LDAF1: variants seen among roughly 807,000 people sequenced by gnomAD.
The protein encoded by LDAF1 is lipid droplet assembly factor 1.
LDAF1 carries 7 observed loss-of-function variants against 13.5 expected under a neutral mutation model. The ratio of observed to expected loss-of-function variants is 0.52; its 90% CI spans 0.29 to 0.97. The LOEUF is 0.97. Among genes scored for constraint, LDAF1 ranks in the 50% least tolerant of loss-of-function variants. The pLI is 0.07. For synonymous variants in LDAF1, 69 were observed against 77.1 expected, an observed-to-expected ratio of 0.89 and a Z score of 0.55; for missense variants, 148 against 193.2, an observed-to-expected ratio of 0.77 and a Z score of 1.39.
chr16:21,173,717 G>GA (rs1206086658), intron 3 of LDAF1, among the ~76,000 whole-genome samples: 55 of 141,506 alleles, frequency 3.9e-4, no homozygotes, highest in East Asian at 1.4e-3. Flanking sequence ...TCTCAAAAAA[G>GA]AAAAAAAAAA....
At chr16:21,167,696 G>GTTTGTTTTTTTTTTTTT (rs1756053559) in intron 2 of LDAF1, among the ~76,000 whole-genome samples, 1 of 89,092 alleles carries the variant, frequency 1.1e-5, no homozygotes, top group Non-Finnish European at 2.0e-5. Flanking sequence ...CCTTAGGTTT[G>GTTTGTTTTTTTTTTTTT]TTTTTTTTTT....
chr16:21,179,487 G>A lies in LDAF1; in HGVS notation c.417G>A (p.Gln139=). The part of the protein sequence containing the change: ...SCWFSPRPLT[Q]QNTSCDFLPA... ...TGTTATCCGACAGGCCACTGACACAGCAAAACACCAGTTGTGACTTTCTGC... is the reference window on the plus strand; with the variant it reads ...TGTTATCCGACAGGCCACTGACACAACAAAACACCAGTTGTGACTTTCTGC... Residue 139 remains glutamine, a synonymous_variant, in exon 5 of 5, where the codon CAG becomes CAA. Coordinates refer to ENST00000233047, the MANE Select transcript of LDAF1 (RefSeq NM_001301771.2). 2 of 1,614,170 alleles carry A rather than the reference G, an allele frequency of 1.2e-6. No homozygotes were observed. Among genetic ancestry groups the A allele is most frequent in the Non-Finnish European group, 1.7e-6 (2 of 1,180,032 alleles).
intron 1 of LDAF1, chr16:21,159,804 C>T: frequency 1.6e-6 from 1 of 628,628 alleles, no homozygotes; most frequent in Non-Finnish European, 2.0e-6. Context: ...CTGGGTGGCA[C>T]TTGAGGCTCC....
intron 2 of LDAF1, among the ~76,000 whole-genome samples, chr16:21,168,247 T>G (rs1033537411): frequency 6.6e-6 from 1 of 151,340 alleles, no homozygotes; most frequent in African/African-American, 2.4e-5. Context: ...ACTCCTGACC[T>G]CAGGTGACCC....
At chr16:21,162,813 T>G (rs2092989512) in intron 2 of LDAF1, among the ~76,000 whole-genome samples, 2 of 152,216 alleles carry the variant, frequency 1.3e-5, no homozygotes. Context: ...TGTTCCACAT[T>G]TACAGCTGAT....
chr16:21,167,696 G>GTTTTTTT (rs778992036), intron 2 of LDAF1, among the ~76,000 whole-genome samples: 2 of 89,092 alleles, frequency 2.2e-5, no homozygotes, highest in Admixed American at 1.7e-4. Context: ...CCTTAGGTTT[G>GTTTTTTT]TTTTTTTTTT....
In LDAF1 at chr16:21,170,462, T is replaced by C. The variant is rs1389107284; in HGVS notation, c.122T>C (p.Val41Ala). ...SKVVAFMKSPVGQYLDSHPFL... is the reference protein window; with the variant it reads ...SKVVAFMKSPAGQYLDSHPFL... ...GTGGTGGCCTTTATGAAGTCTCCAG[T>C]GGGTCAGTACTTGGACAGCCATCCG... is the stretch of plus-strand genomic sequence containing the variant. Residue 41 changes from valine to alanine, a missense_variant, in exon 3 of 5, where the codon GTG (valine) becomes GCG (alanine). Val to Ala is a moderately conservative substitution (Grantham distance 64). Coordinates refer to ENST00000233047, the MANE Select transcript of LDAF1 (RefSeq NM_001301771.2). 6.2e-7 allele frequency: 1 copy of C among 1,614,038 alleles called. No homozygotes were observed. Among genetic ancestry groups the C allele is most frequent in the African/African-American group, 1.3e-5 (1 of 74,900 alleles).
At position 21,159,340 on chromosome 16, in the gene LDAF1, T is replaced by A. The variant is rs368780115; in HGVS notation, c.-99+594T>A. ...CCCTCTCCACCTGCATTTCACTCCCTTCCTCCTCTCCTTGGGTCTCCCTGG... is the reference window on the plus strand; with the variant it reads ...CCCTCTCCACCTGCATTTCACTCCCATCCTCCTCTCCTTGGGTCTCCCTGG... On this transcript the variant is annotated intron_variant, in intron 1 of 4. Transcript: ENST00000233047. The A allele has an allele frequency of 4.3e-6, 7 of 1,613,922 alleles. No homozygotes were observed. Among genetic ancestry groups the A allele is most frequent in the Non-Finnish European group, 5.9e-6 (7 of 1,179,886 alleles).
At chr16:21,173,669 C>T (rs934985115) in intron 3 of LDAF1, among the ~76,000 whole-genome samples, 9 of 151,506 alleles carry the variant, frequency 5.9e-5, no homozygotes, top group African/African-American at 1.2e-4. Context: ...GCTGAGATTG[C>T]GCCACTGCAC....
intron 2 of LDAF1, chr16:21,166,828 T>C: frequency 6.5e-7 from 1 of 1,535,492 alleles, no homozygotes; most frequent in South Asian, 1.2e-5. Context: ...TCCGCCTCTC[T>C]TTCTCTTTCA....
intron 3 of LDAF1, among the ~76,000 whole-genome samples, chr16:21,172,136 C>T (rs1203469725): frequency 6.6e-6 from 1 of 151,218 alleles, no homozygotes; most frequent in Non-Finnish European, 1.5e-5. Context: ...AGCGAGATTC[C>T]CTCCATCTCT....
chr16:21,165,685 C>A, intron 2 of LDAF1: 1 of 843,106 alleles, frequency 1.2e-6, no homozygotes, highest in Non-Finnish European at 1.4e-6. Context: ...TTAAATCATT[C>A]CTTTAATCAT....
chr16:21,170,460 A>T lies in LDAF1; in HGVS notation c.120A>T (p.Pro40=). ...NSKVVAFMKS[P]VGQYLDSHPF... ...AGGTGGTGGCCTTTATGAAGTCTCC[A>T]GTGGGTCAGTACTTGGACAGCCATC... Residue 40 remains proline, a synonymous_variant, in exon 3 of 5, where the codon CCA becomes CCT. Transcript: ENST00000233047. 1 of 1,614,042 alleles carries T rather than the reference A, an allele frequency of 6.2e-7. No homozygotes were observed. The highest frequency in any genetic ancestry group is 8.5e-7 in the Non-Finnish European group (1 of 1,180,022).
intron 4 of LDAF1, chr16:21,178,569 G>A (rs1246454300): frequency 5.3e-6 from 1 of 189,420 alleles, no homozygotes; most frequent in Non-Finnish European, 9.8e-6. Context: ...TTCCTGTGTT[G>A]CTATCCTTAG....
intron 2 of LDAF1, among the ~76,000 whole-genome samples, chr16:21,166,384 C>A (rs1407517137): frequency 6.6e-6 from 1 of 152,124 alleles, no homozygotes; most frequent in Non-Finnish European, 1.5e-5. Context: ...ACATACCCAA[C>A]CTATTGGAAA....
chr16:21,170,340 C>G, intron 2 of LDAF1, 97 bp from the exon 3 acceptor site: 2 of 1,569,538 alleles, frequency 1.3e-6, no homozygotes, highest in Non-Finnish European at 1.7e-6. Context: ...TCTGGCTTTA[C>G]GACTTCTGCC....
chr16:21,161,107 G>C lies in LDAF1; in HGVS notation c.-76G>C. ...CAGCAAGAGACAGAGCGACATGAGA[G>C]ATTGGACCGCGGGCTGCACTGGAGA... On this transcript the variant is annotated 5_prime_UTR_variant, in exon 2 of 5. Coordinates refer to ENST00000233047, the MANE Select transcript of LDAF1 (RefSeq NM_001301771.2). The C allele has an allele frequency of 6.3e-7, 1 of 1,582,666 alleles. No individual in the cohort carries two copies.
intron 2 of LDAF1, chr16:21,169,133 A>G (rs2093061530): frequency 3.1e-6 from 3 of 976,748 alleles, no homozygotes; most frequent in African/African-American, 1.8e-5. Flanking sequence ...AATGCTTAAT[A>G]ATAGACAAGT....
At chr16:21,176,618 G>A (rs951474833) in intron 4 of LDAF1, among the ~76,000 whole-genome samples, 3 of 151,956 alleles carry the variant, frequency 2.0e-5, no homozygotes, top group Non-Finnish European at 4.4e-5. Flanking sequence ...ACTCCAGCCT[G>A]GGCAACAGAG....
Sources: allele counts gnomAD v4.1 joint callset (sites outside exome capture counted in the v4.1 genomes callset), GRCh38; gene constraint gnomAD v4.1.1; transcripts MANE v1.5; gene names NCBI Gene and HGNC (gene_info 2026-07-23, HGNC 2026-07-21).